The following MYO1B variants were observed in gnomAD, a reference collection of about 807,000 sequenced individuals.
The protein encoded by MYO1B is unconventional myosin-Ib.
In MYO1B, 72 loss-of-function variants were observed where a neutral mutation model predicts 159.7. The ratio of observed to expected loss-of-function variants is 0.45; its 90% CI spans 0.37 to 0.55. The LOEUF is 0.55. Among genes scored for constraint, MYO1B ranks in the 20% least tolerant of loss-of-function variants. The probability of loss-of-function intolerance (pLI) is 0.00; values close to 1 mark genes in which losing one functional copy is unlikely to be tolerated. For missense variants in MYO1B, 1,062 were observed against 1,364.8 expected, an observed-to-expected ratio of 0.78 and a Z score of 3.50; for synonymous variants, 468 against 473.8, an observed-to-expected ratio of 0.99 and a Z score of 0.16.
At chr2:191,313,075 C>T (rs1048777055) in intron 3 of MYO1B, among the ~76,000 whole-genome samples, 3 of 151,454 alleles carry the variant, frequency 2.0e-5, no homozygotes, top group African/African-American at 7.3e-5. Context: ...AGGTTTGTTT[C>T]TCATGAAACA....
intron 4 of MYO1B, among the ~76,000 whole-genome samples, chr2:191,334,160 T>C (rs1034110978): frequency 6.6e-6 from 1 of 152,018 alleles, no homozygotes; most frequent in African/African-American, 2.4e-5. Flanking sequence ...AATTCGTTCC[T>C]AAATGAGTCA....
intron 1 of MYO1B, among the ~76,000 whole-genome samples, chr2:191,271,214 G>A (rs576665814): frequency 6.6e-6 from 1 of 152,334 alleles, no homozygotes; most frequent in African/African-American, 2.4e-5. Context: ...ACTATGCGAA[G>A]AAGAATCCCT....
chr2:191,356,528 T>C (rs1302447878), intron 7 of MYO1B, among the ~76,000 whole-genome samples: 3 of 152,156 alleles, frequency 2.0e-5, no homozygotes, highest in Non-Finnish European at 4.4e-5. Flanking sequence ...AGTTTTACTT[T>C]GTTGTTCTTC....
chr2:191,338,584 G>A (rs1030888830), intron 4 of MYO1B, among the ~76,000 whole-genome samples: 3 of 151,444 alleles, frequency 2.0e-5, no homozygotes, highest in Admixed American at 1.3e-4. Context: ...AAAGGTCTCT[G>A]AGAGGTCAAA....
chr2:191,269,671 G>A (rs538494692), intron 1 of MYO1B, among the ~76,000 whole-genome samples: 1 of 152,300 alleles, frequency 6.6e-6, no homozygotes, highest in South Asian at 2.1e-4. Flanking sequence ...AGTAACTTGG[G>A]TGGTGTGGGC....
chr2:191,416,194 C>G lies in MYO1B; in HGVS notation c.3239C>G (p.Thr1080Arg), dbSNP rs1253554117. Residue 1080 changes from threonine (T) to arginine (R), a missense_variant, in exon 30 of 31, where the codon ACA becomes AGA. Thr to Arg is a moderately conservative substitution (Grantham distance 71, BLOSUM62 -1). Transcript: ENST00000392318. ...LIEMATKLYR[T>R]TLSQTKQKLN... is the part of the protein sequence containing the mutation. Reference sequence around the variant, plus strand: ...GAAATGGCCACCAAGCTCTATCGCACAACTCTCAGCCAAACCAAACAGAAG... The same window carrying G: ...GAAATGGCCACCAAGCTCTATCGCAGAACTCTCAGCCAAACCAAACAGAAG... The G allele has an allele frequency of 4.3e-6, 7 of 1,614,048 alleles. No individual in the cohort carries two copies. The highest frequency in any genetic ancestry group is 2.7e-5 in the African/African-American group (2 of 74,912).
At chr2:191,404,229 C>G (rs1390976151) in intron 24 of MYO1B, among the ~76,000 whole-genome samples, 1 of 152,046 alleles carries the variant, frequency 6.6e-6, no homozygotes, top group Non-Finnish European at 1.5e-5. Context: ...TTTAAGACTC[C>G]CAGTTCCCCA....
At chr2:191,346,425 A>G (rs1692571039) in intron 6 of MYO1B, 143 bp downstream of exon 6, 1 of 558,172 alleles carries the variant, frequency 1.8e-6, no homozygotes, top group East Asian at 3.5e-5. Flanking sequence ...AAAGTTCTAT[A>G]AGGACTCTTG....
chr2:191,363,446 C>T (rs1693803159), intron 9 of MYO1B, among the ~76,000 whole-genome samples: 1 of 152,074 alleles, frequency 6.6e-6, no homozygotes, highest in African/African-American at 2.4e-5. Context: ...AAACGACATA[C>T]ATACAAACTG....
At chr2:191,397,283 C>T (rs1696174463) in intron 21 of MYO1B, among the ~76,000 whole-genome samples, 1 of 147,450 alleles carries the variant, frequency 6.8e-6, no homozygotes, top group African/African-American at 2.5e-5. Context: ...GAGGGAAGGT[C>T]AGCAGATAAA....
chr2:191,378,531 AC>A (rs1364530057), intron 13 of MYO1B, among the ~76,000 whole-genome samples: 2 of 152,176 alleles, frequency 1.3e-5, no homozygotes, highest in Admixed American at 6.5e-5. Flanking sequence ...GAAATAAATC[AC>A]AATGGTGGAA....
intron 13 of MYO1B, among the ~76,000 whole-genome samples, chr2:191,371,907 CAAAGG>C (rs1694389755): frequency 6.6e-6 from 1 of 152,156 alleles, no homozygotes; most frequent in Non-Finnish European, 1.5e-5. Flanking sequence ...GCAGAATCTA[CAAAGG>C]AAAGCTACCA....
intron 1 of MYO1B, among the ~76,000 whole-genome samples, chr2:191,259,676 T>A (rs1311532487): frequency 6.6e-6 from 1 of 152,196 alleles, no homozygotes; most frequent in Admixed American, 6.5e-5. Context: ...CAGTAGATAT[T>A]GAGAACGAGG....
intron 1 of MYO1B, chr2:191,263,727 GTTA>G (rs1686958062): frequency 6.6e-6 from 1 of 152,126 alleles, no homozygotes; most frequent in Non-Finnish European, 1.5e-5. Context: ...AGCTTTACAG[GTTA>G]TTAACATGTG....
intron 1 of MYO1B, among the ~76,000 whole-genome samples, 155 bp from the exon 2 acceptor site, chr2:191,276,732 C>T (rs1421101085): frequency 1.3e-5 from 2 of 152,096 alleles, no homozygotes; most frequent in Admixed American, 6.6e-5. Context: ...GTCAGAGGCT[C>T]CTGATGTGGT....
At chr2:191,345,305 G>A (rs1399751328) in intron 5 of MYO1B, among the ~76,000 whole-genome samples, 2 of 152,182 alleles carry the variant, frequency 1.3e-5, no homozygotes. Context: ...TGGGCGGGGT[G>A]GGGCTTCCAG....
intron 1 of MYO1B, among the ~76,000 whole-genome samples, chr2:191,253,449 C>A (rs965019700): frequency 6.6e-6 from 1 of 152,114 alleles, no homozygotes; most frequent in African/African-American, 2.4e-5. Flanking sequence ...TCCTTCCCCC[C>A]AGAAGCCCCT....
rs1471251047 is a variant in MYO1B, at chr2:191,387,391, C to G, written c.1722C>G (p.Phe574Leu). ...LKRPPTAGSQ[F>L]KASVATLMKN... The stretch of plus-strand genomic sequence containing the variant: ...GGCCTCCTACAGCAGGCTCACAGTT[C>G]AAGGCATCCGTGGCCACTCTGATGA... Residue 574 changes from phenylalanine to leucine, a missense_variant, in exon 17 of 31, where the codon TTC becomes TTG. Physicochemically the swap from Phe to Leu is conservative, Grantham distance 22. This residue lies in a region of MYO1B where 609 missense variants were observed against 744.4 expected (regional missense o/e 0.82). Coordinates refer to ENST00000392318, the MANE Select transcript of MYO1B (RefSeq NM_001130158.3). 1 of 1,614,184 alleles carries G rather than the reference C, an allele frequency of 6.2e-7. No homozygotes were observed. Among genetic ancestry groups the G allele is most frequent in the East Asian group, 2.2e-5 (1 of 44,890 alleles).
At position 191,391,493 on chromosome 2, in the gene MYO1B, T is replaced by C. The variant is rs1559227536; in HGVS notation, c.1983-615T>C. Among the ~76,000 whole-genome samples the C allele has an allele frequency of 3.9e-5, 6 of 152,190 alleles. No individual in the cohort carries two copies. In the South Asian group the frequency reaches 1.2e-3, roughly 32 times the overall value. ...CCCATTGCTAATTTCCGGGGTATTA[T>C]GGTAAACAGGTACCATAATACAGAA... is the stretch of plus-strand genomic sequence containing the variant. On this transcript the variant is annotated intron_variant, in intron 18 of 30. Transcript: ENST00000392318.
Sources: allele counts gnomAD v4.1 joint callset (sites outside exome capture counted in the v4.1 genomes callset), GRCh38; gene constraint gnomAD v4.1.1; regional missense constraint gnomAD v4.1.1; transcripts MANE v1.5; gene names NCBI Gene and HGNC (gene_info 2026-07-23, HGNC 2026-07-21).